The following RNLS variants were observed in gnomAD, a reference collection of about 807,000 sequenced individuals.
RNLS encodes renalase.
Under a neutral mutation model 39.8 loss-of-function variants are expected in RNLS, and 39 were observed. The ratio of observed to expected loss-of-function variants is 0.98; its 90% CI spans 0.76 to 1.28. The LOEUF (loss-of-function observed/expected upper bound fraction) is 1.28, where lower values mean the gene tolerates loss of function less well. Among genes scored for constraint, RNLS ranks in the 50% most tolerant of loss-of-function variants. RNLS has a pLI of 0.00. For missense variants in RNLS, 410 were observed against 413.3 expected, an observed-to-expected ratio of 0.99 and a Z score of 0.07; for synonymous variants, 147 against 150.7, an observed-to-expected ratio of 0.98 and a Z score of 0.18.
At chr10:88,182,693 G>GTGTGTGTT in the RNLS span, among the ~76,000 whole-genome samples, 3 of 152,058 alleles carry the variant, frequency 2.0e-5, no homozygotes, top group African/African-American at 7.3e-5. Context: ...GTGTGTGTGT[G>GTGTGTGTT]TGTGTGAGAG....
At chr10:88,452,640 G>A (rs1343463372) in intron 4 of RNLS, among the ~76,000 whole-genome samples, 3 of 152,090 alleles carry the variant, frequency 2.0e-5, no homozygotes, top group African/African-American at 4.8e-5. Context: ...GTTTCTAAAG[G>A]GGAAATGCTT....
intron 4 of RNLS, among the ~76,000 whole-genome samples, chr10:88,524,956 C>CACACATATATATATAT (rs768939981): frequency 2.6e-5 from 2 of 76,296 alleles, no homozygotes; most frequent in East Asian, 5.8e-4. Context: ...ATGGCACACA[C>CACACATATATATATAT]ATACATATAT....
chr10:88,535,056 T>C (rs1258923614), intron 4 of RNLS, among the ~76,000 whole-genome samples: 3 of 152,182 alleles, frequency 2.0e-5, no homozygotes, highest in Non-Finnish European at 4.4e-5. Context: ...AATACATTTG[T>C]AACATTTCAT....
chr10:88,224,934 G>T, the RNLS span, among the ~76,000 whole-genome samples: 1 of 152,194 alleles, frequency 6.6e-6, no homozygotes, highest in Admixed American at 6.5e-5. Flanking sequence ...AGATTAAGAA[G>T]CCAAGTCTTG....
chr10:88,200,286 C>T, the RNLS span, among the ~76,000 whole-genome samples: 1 of 152,222 alleles, frequency 6.6e-6, no homozygotes, highest in African/African-American at 2.4e-5. Flanking sequence ...GTAGTAATAA[C>T]AATAGCAGCT....
intron 4 of RNLS, among the ~76,000 whole-genome samples, chr10:88,526,811 C>T (rs954775995): frequency 6.6e-6 from 1 of 151,186 alleles, no homozygotes; most frequent in Non-Finnish European, 1.5e-5. Context: ...GAAAAGATAA[C>T]TGCCCTTCAC....
At chr10:88,403,295 C>T (rs1044263013) in intron 4 of RNLS, among the ~76,000 whole-genome samples, 1 of 152,016 alleles carries the variant, frequency 6.6e-6, no homozygotes, top group African/African-American at 2.4e-5. Context: ...CTTATATATA[C>T]ATGTGCACAT....
At chr10:88,288,605 T>C (rs1288110594) in intron 6 of RNLS, among the ~76,000 whole-genome samples, 7 of 152,174 alleles carry the variant, frequency 4.6e-5, no homozygotes, top group Non-Finnish European at 7.4e-5. Context: ...CTATTAAACA[T>C]TGCACAAGTA....
At chr10:88,457,088 C>T (rs1317090494) in intron 4 of RNLS, among the ~76,000 whole-genome samples, 2 of 152,206 alleles carry the variant, frequency 1.3e-5, no homozygotes, top group Non-Finnish European at 2.9e-5. Flanking sequence ...TAGCTAAAAT[C>T]CCTGAAGCCC....
intron 4 of RNLS, among the ~76,000 whole-genome samples, chr10:88,511,450 G>A (rs750617236): frequency 2.6e-5 from 4 of 152,090 alleles, no homozygotes; most frequent in Non-Finnish European, 5.9e-5. Context: ...TCAGTATGGT[G>A]CACTTACTTG....
At chr10:88,341,072 CAAAA>C (rs1463573978) in intron 5 of RNLS, among the ~76,000 whole-genome samples, 1 of 115,630 alleles carries the variant, frequency 8.6e-6, no homozygotes, top group African/African-American at 3.3e-5. Context: ...AAAAAAAAAA[CAAAA>C]AACAGCAATT....
the RNLS span, among the ~76,000 whole-genome samples, chr10:88,195,612 G>T: frequency 6.6e-6 from 1 of 152,162 alleles, no homozygotes; most frequent in Non-Finnish European, 1.5e-5. Context: ...TCATTAGAGA[G>T]TGGGAGCAAG....
downstream of RNLS, among the ~76,000 whole-genome samples, chr10:88,272,348 T>C (rs895108854): frequency 1.3e-5 from 2 of 152,214 alleles, no homozygotes; most frequent in African/African-American, 4.8e-5. Flanking sequence ...TTTAATTTTT[T>C]AAAAAAGCTT....
intron 4 of RNLS, among the ~76,000 whole-genome samples, chr10:88,570,963 CTTTTTTTTTTT>C (rs1179336519): frequency 1.0e-5 from 1 of 96,784 alleles, no homozygotes; most frequent in Admixed American, 1.1e-4. Flanking sequence ...GTTGTATATT[CTTTTTTTTTTT>C]TTTTTTTTTG....
intron 6 of RNLS, among the ~76,000 whole-genome samples, chr10:88,294,540 C>T (rs1245222181): frequency 1.3e-5 from 2 of 151,986 alleles, no homozygotes; most frequent in East Asian, 1.9e-4. Context: ...TTACCCTTAA[C>T]GTTCTCCTAT....
Position 88,370,429 on chromosome 10 carries a change from G to A in RNLS, c.527-7704C>T, listed in dbSNP as rs936865008. Reference sequence around the variant, plus strand: ...CCTTTAAGCTCCCACCAGAAGTTTTGTTGTTTACAGCTAATTAGAGAAGAT... The same window carrying A: ...CCTTTAAGCTCCCACCAGAAGTTTTATTGTTTACAGCTAATTAGAGAAGAT... On this transcript the variant is annotated intron_variant, in intron 4 of 6. Transcript: ENST00000331772. Among the ~76,000 whole-genome samples the A allele has an allele frequency of 3.3e-5, 5 of 152,206 alleles. No individual in the cohort carries two copies. In the East Asian group the frequency reaches 9.7e-4, roughly 29 times the overall value.
intron 4 of RNLS, among the ~76,000 whole-genome samples, chr10:88,477,096 C>A (rs1843863669): frequency 6.6e-6 from 1 of 150,400 alleles, no homozygotes; most frequent in East Asian, 2.0e-4. Context: ...GTAATTCAAG[C>A]AAATTATATT....
intron 6 of RNLS, among the ~76,000 whole-genome samples, chr10:88,291,861 A>AGACCCCTCTCCAGGACACTAC (rs1208024816): frequency 1.4e-4 from 22 of 152,100 alleles, no homozygotes; most frequent in Admixed American, 1.4e-3. Flanking sequence ...CAACCTTCTA[A>AGACCCCTCTCCAGGACACTAC]GACCCCTCTC....
At chr10:88,551,161 C>T (rs763367525) in intron 4 of RNLS, among the ~76,000 whole-genome samples, 3 of 152,126 alleles carry the variant, frequency 2.0e-5, no homozygotes, top group Non-Finnish European at 4.4e-5. Context: ...CCCCAGGCCA[C>T]CCAGGCCAAG....
Sources: gnomAD v4.1 joint callset for allele counts (sites outside exome capture counted in the v4.1 genomes callset) on GRCh38, gnomAD v4.1.1 for gene constraint, MANE v1.5 for transcripts, NCBI Gene and HGNC (gene_info 2026-07-23, HGNC 2026-07-21) for gene names.